C4orf36: variants seen among roughly 807,000 people sequenced by gnomAD.
The protein encoded by C4orf36 is uncharacterized protein C4orf36.
In C4orf36, 11 loss-of-function variants were observed where a neutral mutation model predicts 12.2. That is an observed-to-expected ratio of 0.90 (90% CI 0.57 to 1.49). C4orf36 has a LOEUF of 1.49. C4orf36 is among the 40% of genes most tolerant of loss of function. The pLI is 0.00. For missense variants in C4orf36, 137 were observed against 133.9 expected (o/e 1.02, Z -0.11); for synonymous variants, 54 against 51.3 (o/e 1.05, Z -0.22).
the C4orf36 span, among the ~76,000 whole-genome samples, chr4:86,930,910 T>G: frequency 6.6e-6 from 1 of 152,254 alleles, no homozygotes; most frequent in Non-Finnish European, 1.5e-5. Flanking sequence ...CACATTTGCA[T>G]ATCTGCCTCC....
the C4orf36 span, among the ~76,000 whole-genome samples, chr4:86,908,168 T>TACACACACAC: frequency 4.8e-4 from 67 of 140,968 alleles, no homozygotes; most frequent in East Asian, 2.1e-3. Flanking sequence ...ACTTTCAACA[T>TACACACACAC]ACACACACAC....
chr4:86,878,002 T>C (rs549683659), intron 4 of C4orf36, among the ~76,000 whole-genome samples: 1 of 152,264 alleles, frequency 6.6e-6, no homozygotes, highest in Admixed American at 6.5e-5. Context: ...TGGAGCAAGG[T>C]GATAGAGACA....
chr4:86,907,829 C>G, the C4orf36 span, among the ~76,000 whole-genome samples: 1 of 151,764 alleles, frequency 6.6e-6, no homozygotes, highest in Admixed American at 6.6e-5. Context: ...ATTAGCCAGG[C>G]ATGGTAGCGC....
At chr4:86,913,289 T>C in the C4orf36 span, 17 of 675,252 alleles carry the variant, frequency 2.5e-5, no homozygotes, top group South Asian at 2.0e-4. Flanking sequence ...GACTCGAGAG[T>C]CTTGAAATCC....
chr4:86,905,015 G>A, the C4orf36 span, among the ~76,000 whole-genome samples: 1 of 151,610 alleles, frequency 6.6e-6, no homozygotes, highest in Non-Finnish European at 1.5e-5. Flanking sequence ...GTGGGCGGAT[G>A]GCTTGAGCCC....
chr4:86,918,664 G>A, the C4orf36 span, among the ~76,000 whole-genome samples: 1 of 152,096 alleles, frequency 6.6e-6, no homozygotes, highest in Non-Finnish European at 1.5e-5. Context: ...AACTACCAAA[G>A]GGGAACTTAG....
At chr4:86,907,252 G>A in the C4orf36 span, among the ~76,000 whole-genome samples, 1 of 152,132 alleles carries the variant, frequency 6.6e-6, no homozygotes, top group African/African-American at 2.4e-5. Flanking sequence ...GCGATAGGGA[G>A]TGGAGCCCAG....
the C4orf36 span, among the ~76,000 whole-genome samples, chr4:86,919,343 G>T: frequency 1.1e-5 from 1 of 94,984 alleles, no homozygotes; most frequent in South Asian, 3.6e-4. Flanking sequence ...TTTTTTTTGA[G>T]GAGGAGTCTT....
At chr4:86,881,615 T>A (rs1747056801) in intron 4 of C4orf36, among the ~76,000 whole-genome samples, 1 of 152,062 alleles carries the variant, frequency 6.6e-6, no homozygotes, top group Admixed American at 6.6e-5. Flanking sequence ...ATTAAAAAAA[T>A]TAAAAATAAG....
At chr4:86,882,366 C>T (rs921796374) in intron 4 of C4orf36, among the ~76,000 whole-genome samples, 5 of 152,048 alleles carry the variant, frequency 3.3e-5, no homozygotes, top group Admixed American at 2.6e-4. Context: ...TCTGAGAGAC[C>T]AGAACAGATG....
the C4orf36 span, chr4:86,925,661 T>C: frequency 2.6e-5 from 4 of 152,164 alleles, no homozygotes; most frequent in Admixed American, 6.6e-5. Context: ...ATCAATATGA[T>C]CCTTGTTCCT....
Position 86,891,433 on chromosome 4 carries a change from TAAA to T in C4orf36, c.65+20_65+22del, listed in dbSNP as rs55723875. On this transcript the variant is annotated intron_variant, in intron 2 of 4. Coordinates refer to ENST00000295898, the MANE Select transcript of C4orf36 (RefSeq NM_144645.4). ...ACCGCAGTCAATGCTTACCCTGATT[TAAA>T]AAAAAAAAATAGTACTTACACATTA... 1.3e-4 allele frequency: 177 copies of T among 1,346,302 alleles called. 1 individual carries two copies. Among genetic ancestry groups the T allele is most frequent in the Middle Eastern group, 3.7e-4 (2 of 5,370 alleles). 83.4% of individuals were successfully genotyped at this position (1,346,302 alleles called of 1,614,324 possible). A position where few individuals can be genotyped will look rare whatever the true frequency, so the allele number is the denominator to read the frequency against.
the C4orf36 span, among the ~76,000 whole-genome samples, chr4:86,905,029 AG>A: frequency 7.9e-5 from 12 of 152,106 alleles, no homozygotes; most frequent in Admixed American, 5.9e-4. Context: ...TGAGCCCAGG[AG>A]TTCGAGACCA....
chr4:86,876,497 A>C, intron 4 of C4orf36, 54 bp from the exon 5 acceptor site: 1 of 1,613,704 alleles, frequency 6.2e-7, no homozygotes. Context: ...CAAATGAGGT[A>C]GAAAAAATGA....
At chr4:86,913,825 CTTTTT>C in the C4orf36 span, 241 of 616,972 alleles carry the variant, frequency 3.9e-4, no homozygotes, top group East Asian at 5.1e-4. Context: ...TTTTCATCCA[CTTTTT>C]TTTTTTTTTT....
chr4:86,887,450 T>C (rs1216900912), intron 4 of C4orf36: 1 of 245,880 alleles, frequency 4.1e-6, no homozygotes, highest in African/African-American at 2.2e-5. Flanking sequence ...TTGAAAACAA[T>C]GCAGCTGAAG....
chr4:86,892,501 G>T (rs1007270510), upstream of C4orf36: 3 of 977,440 alleles, frequency 3.1e-6, no homozygotes, highest in Middle Eastern at 5.2e-4. Context: ...GGGACGCCGG[G>T]CCCGGGAGAC....
At chr4:86,934,031 G>A in the C4orf36 span, among the ~76,000 whole-genome samples, 1 of 152,188 alleles carries the variant, frequency 6.6e-6, no homozygotes, top group African/African-American at 2.4e-5. Context: ...GAGCAGTAGA[G>A]ACAAACAAAA....
At chr4:86,881,718 G>C (rs1216063884) in intron 4 of C4orf36, among the ~76,000 whole-genome samples, 3 of 151,334 alleles carry the variant, frequency 2.0e-5, no homozygotes, top group South Asian at 2.1e-4. Flanking sequence ...TTGTCTCCCA[G>C]GCTGGAGTGC....
Sources: allele counts gnomAD v4.1 joint callset (sites outside exome capture counted in the v4.1 genomes callset), GRCh38; gene constraint gnomAD v4.1.1; transcripts MANE v1.5; gene names NCBI Gene and HGNC (gene_info 2026-07-23, HGNC 2026-07-21).